VWA8: variants seen among roughly 807,000 people sequenced by gnomAD.
VWA8 encodes the protein von Willebrand factor A domain containing 8, also known as von Willebrand factor A domain-containing protein 8.
In VWA8, 221 loss-of-function variants were observed where a neutral mutation model predicts 241.5. That is an observed-to-expected ratio of 0.91 (90% CI 0.82 to 1.02). The LOEUF (loss-of-function observed/expected upper bound fraction) is 1.02, where lower values mean the gene tolerates loss of function less well. VWA8 is among the 50% of genes least tolerant of loss of function. The pLI is 0.00. For missense variants in VWA8, 2,322 were observed against 2,328.7 expected, an observed-to-expected ratio of 1.00 and a Z score of 0.06; for synonymous variants, 852 against 827.1, an observed-to-expected ratio of 1.03 and a Z score of -0.52.
chr13:41,842,781 T>C (rs529373413), intron 12 of VWA8, among the ~76,000 whole-genome samples: 91 of 152,318 alleles, frequency 6.0e-4, no homozygotes, highest in African/African-American at 2.0e-3. Context: ...GCTAGAAAAC[T>C]AGAAACATCA....
intron 37 of VWA8, among the ~76,000 whole-genome samples, chr13:41,651,142 C>T (rs1270331686): frequency 6.6e-6 from 1 of 151,858 alleles, no homozygotes; most frequent in East Asian, 1.9e-4. Flanking sequence ...CACCTACAGC[C>T]ATCTGATCTT....
In VWA8 at chr13:41,802,532, C is replaced by CCAG. The variant is rs1167059330; in HGVS notation, c.2063+8692_2063+8693insCTG. Among the ~76,000 whole-genome samples the CCAG allele has an allele frequency of 5.3e-5, 8 of 152,342 alleles. No homozygotes were observed. The East Asian group carries it at 1.2e-3, about 22-fold the overall frequency. ...GCGGACAGCCAAGGCAGTGCTTGCA[C>CCAG]TGTCCCTTCCTCAACTCCAGGCAGC... On this transcript the variant is annotated intron_variant, in intron 17 of 44. Coordinates refer to ENST00000379310, the MANE Select transcript of VWA8 (RefSeq NM_015058.2).
Position 41,959,392 on chromosome 13 carries a change from T to G in VWA8, c.163+1461A>C, listed in dbSNP as rs570131552. On this transcript the variant is annotated intron_variant, in intron 1 of 44. Transcript: ENST00000379310. ...ATGCTATACTTCCACCTTTGACCTC[T>G]GCCTTCTAGGGCAAAGGAGCAAAAA... Among the ~76,000 whole-genome samples the G allele has an allele frequency of 4.2e-3, 629 of 150,670 alleles. 4 individuals are homozygous for G. Among genetic ancestry groups the G allele is most frequent in the African/African-American group, 0.015 (601 of 40,974 alleles).
intron 2 of VWA8, among the ~76,000 whole-genome samples, chr13:41,922,603 C>A (rs1876602377): frequency 6.6e-6 from 1 of 152,146 alleles, no homozygotes; most frequent in Admixed American, 6.5e-5. Context: ...AAACAAACAA[C>A]CCGATCAACA....
intron 40 of VWA8, among the ~76,000 whole-genome samples, chr13:41,592,518 T>G (rs2044462574): frequency 6.7e-6 from 1 of 150,276 alleles, no homozygotes; most frequent in Admixed American, 6.6e-5. Flanking sequence ...CAGGAAGCAT[T>G]GACACCAAGG....
intron 37 of VWA8, among the ~76,000 whole-genome samples, chr13:41,616,486 G>T (rs2139664098): frequency 6.6e-6 from 1 of 151,536 alleles, no homozygotes; most frequent in East Asian, 1.9e-4. Flanking sequence ...AGATAGCTAG[G>T]AACATTTAGA....
chr13:41,833,125 T>C (rs1372558755), intron 13 of VWA8, among the ~76,000 whole-genome samples: 1 of 152,172 alleles, frequency 6.6e-6, no homozygotes, highest in Non-Finnish European at 1.5e-5. Context: ...ACTTTCTTTT[T>C]GCAGTGCCTA....
rs867318359 is a variant in VWA8, at chr13:41,677,606, T to C, written c.4328-2310A>G. Among the ~76,000 whole-genome samples the C allele has an allele frequency of 2.0e-4, 31 of 152,246 alleles. 2 individuals are homozygous for C. The highest frequency in any genetic ancestry group is 1.2e-3 in the South Asian group (6 of 4,822). On this transcript the variant is annotated intron_variant, in intron 35 of 44. Transcript: ENST00000379310. The stretch of plus-strand genomic sequence containing the variant: ...CCACTCCACACAACTTCTATGTGAG[T>C]TGGCCCTAGTGAAATAGCTATTTGT...
chr13:41,607,834 A>G (rs1022670606), intron 39 of VWA8, among the ~76,000 whole-genome samples: 1 of 152,146 alleles, frequency 6.6e-6, no homozygotes, highest in Admixed American at 6.6e-5. Context: ...TTCAGCATCC[A>G]TTATATGTTA....
chr13:41,736,555 G>A (rs1204512809), intron 21 of VWA8, among the ~76,000 whole-genome samples: 3 of 152,046 alleles, frequency 2.0e-5, no homozygotes, highest in Non-Finnish European at 2.9e-5. Context: ...TCTCAAAATA[G>A]CGATGTTTAC....
intron 20 of VWA8, among the ~76,000 whole-genome samples, chr13:41,768,396 A>C (rs745434126): frequency 1.3e-5 from 2 of 152,204 alleles, no homozygotes; most frequent in African/African-American, 2.4e-5. Flanking sequence ...CTCAATATTA[A>C]ATAATTCAAC....
chr13:41,588,782 G>A (rs2044436251), intron 41 of VWA8, among the ~76,000 whole-genome samples: 1 of 151,666 alleles, frequency 6.6e-6, no homozygotes, highest in South Asian at 2.1e-4. Flanking sequence ...AATATTTGCT[G>A]TTATTAAATA....
intron 14 of VWA8, among the ~76,000 whole-genome samples, chr13:41,821,146 C>A (rs564847963): frequency 6.6e-6 from 1 of 152,112 alleles, no homozygotes; most frequent in African/African-American, 2.4e-5. Context: ...AAAAGAACAA[C>A]TAAAATGAGA....
At chr13:41,907,841 T>A (rs1875799537) in intron 3 of VWA8, 145 bp from the exon 4 acceptor site, 1 of 648,658 alleles carries the variant, frequency 1.5e-6, no homozygotes, top group Non-Finnish European at 2.7e-6. Flanking sequence ...AATCTAAGTT[T>A]GAGAAAAAAG....
chr13:41,808,548 C>T (rs2137970795), intron 17 of VWA8, among the ~76,000 whole-genome samples: 1 of 152,208 alleles, frequency 6.6e-6, no homozygotes. Flanking sequence ...AGGGGAAATC[C>T]ACCCCCATGA....
At chr13:41,577,022 C>A (rs1244756257) in intron 42 of VWA8, among the ~76,000 whole-genome samples, 1 of 152,258 alleles carries the variant, frequency 6.6e-6, no homozygotes, top group Non-Finnish European at 1.5e-5. Flanking sequence ...GGTGCTCACA[C>A]AATTGGCCAG....
chr13:41,870,635 CAAAAAAAAA>C (rs1330134932), intron 9 of VWA8, among the ~76,000 whole-genome samples: 1 of 61,182 alleles, frequency 1.6e-5, no homozygotes, highest in Non-Finnish European at 3.4e-5. Context: ...GACTCCGTCT[CAAAAAAAAA>C]AAAAAAAAGA....
At chr13:41,941,694 G>A (rs1033909415) in intron 2 of VWA8, among the ~76,000 whole-genome samples, 4 of 152,114 alleles carry the variant, frequency 2.6e-5, no homozygotes, top group Admixed American at 2.0e-4. Context: ...AATGGAAAAC[G>A]AAAAGGAACA....
chr13:41,812,119 C>A (rs1344269031), intron 16 of VWA8, among the ~76,000 whole-genome samples: 3 of 152,106 alleles, frequency 2.0e-5, no homozygotes, highest in Non-Finnish European at 4.4e-5. Context: ...AATGCCCTCA[C>A]CTTTAAGGTT....
Sources: gnomAD v4.1 joint callset for allele counts (sites outside exome capture counted in the v4.1 genomes callset) on GRCh38, gnomAD v4.1.1 for gene constraint, MANE v1.5 for transcripts, NCBI Gene and HGNC (gene_info 2026-07-23, HGNC 2026-07-21) for gene names.